Variants in EYS observed in about 807,000 individuals in gnomAD.
EYS encodes EGF-like photoreceptor maintenance factor, also known as protein eyes shut homolog.
A neutral mutation model predicts 282.1 loss-of-function variants in EYS; 250 were observed. That is an observed-to-expected ratio of 0.89 (90% CI 0.80 to 0.98). EYS has a LOEUF of 0.98. Among genes scored for constraint, EYS ranks in the 50% least tolerant of loss-of-function variants. EYS has a pLI of 0.00. For missense variants in EYS, 4,016 were observed against 3,709.0 expected (o/e 1.08, Z -2.15); for synonymous variants, 1,355 against 1,282.9 (o/e 1.06, Z -1.20).
chr6:64,641,493 T>G (rs576714659), intron 22 of EYS, among the ~76,000 whole-genome samples: 7 of 152,208 alleles, frequency 4.6e-5, no homozygotes, highest in Non-Finnish European at 1.0e-4. Flanking sequence ...ACCAAATCAA[T>G]GAATGGGTTC....
chr6:65,693,281 G>A (rs528482958), intron 1 of EYS, among the ~76,000 whole-genome samples: 1 of 147,516 alleles, frequency 6.8e-6, no homozygotes, highest in African/African-American at 2.5e-5. Flanking sequence ...ATTCTACAAT[G>A]AATTTATGCT....
At chr6:64,198,062 G>A (rs965738173) in intron 31 of EYS, among the ~76,000 whole-genome samples, 3 of 151,526 alleles carry the variant, frequency 2.0e-5, no homozygotes, top group Non-Finnish European at 2.9e-5. Context: ...GCGTGATCTC[G>A]GCTCACTGCA....
At chr6:65,652,853 A>G (rs1307211970) in intron 1 of EYS, among the ~76,000 whole-genome samples, 1 of 152,046 alleles carries the variant, frequency 6.6e-6, no homozygotes, top group Non-Finnish European at 1.5e-5. Context: ...TACATTTTGA[A>G]TCAGTGATAA....
intron 1 of EYS, among the ~76,000 whole-genome samples, chr6:65,640,169 T>C (rs148598343): frequency 3.3e-5 from 5 of 152,290 alleles, no homozygotes; most frequent in African/African-American, 1.2e-4. Context: ...GCTCAAATAA[T>C]ACAATAGTAC....
intron 12 of EYS, among the ~76,000 whole-genome samples, chr6:65,101,750 A>G (rs1774898406): frequency 6.6e-6 from 1 of 151,144 alleles, no homozygotes; most frequent in African/African-American, 2.4e-5. Context: ...AGATTGGGTA[A>G]TGACCTTATT....
At chr6:65,446,405 T>C (rs1437560848) in intron 5 of EYS, among the ~76,000 whole-genome samples, 1 of 151,878 alleles carries the variant, frequency 6.6e-6, no homozygotes, top group Non-Finnish European at 1.5e-5. Flanking sequence ...AAAGTATTTT[T>C]AAGCCTGAAA....
At chr6:63,745,057 G>A (rs1287039113) in intron 41 of EYS, 1 of 418,212 alleles carries the variant, frequency 2.4e-6, no homozygotes, top group Non-Finnish European at 4.6e-6. Flanking sequence ...GCCAAAAAAG[G>A]TGAAAAAAGA....
At position 64,082,334 on chromosome 6, in the gene EYS, C is replaced by T. The variant is rs143038951; in HGVS notation, c.6425-332G>A. Among the ~76,000 whole-genome samples the T allele has an allele frequency of 1.4e-4, 22 of 151,926 alleles. No individual in the cohort carries two copies. The East Asian group carries it at 2.7e-3, about 19-fold the overall frequency. ...ATCAGTGTTTCACCAGATTCTTTTG[C>T]GATATTTTGTGATGTGAAGGTTGTA... On this transcript the variant is annotated intron_variant, in intron 31 of 42. Transcript: ENST00000503581.
intron 2 of EYS, among the ~76,000 whole-genome samples, chr6:65,604,175 T>C (rs115190671): frequency 0.013 from 2,025 of 152,086 alleles, 32 homozygotes; most frequent in African/African-American, 0.045. Flanking sequence ...TTAATACTCA[T>C]GAACAATGTG....
At chr6:65,659,315 G>A (rs1019903198) in intron 1 of EYS, among the ~76,000 whole-genome samples, 9 of 151,548 alleles carry the variant, frequency 5.9e-5, no homozygotes, top group African/African-American at 1.9e-4. Context: ...GTACTATCTG[G>A]CAATACAAGT....
At chr6:65,525,237 A>G (rs1404935295) in intron 2 of EYS, among the ~76,000 whole-genome samples, 1 of 152,182 alleles carries the variant, frequency 6.6e-6, no homozygotes, top group Non-Finnish European at 1.5e-5. Context: ...CTGGGGAATC[A>G]TGACTGGTAT....
chr6:64,369,827 C>T (rs970909217), intron 29 of EYS, among the ~76,000 whole-genome samples: 1 of 151,816 alleles, frequency 6.6e-6, no homozygotes. Context: ...TTGGATTTCA[C>T]CTTGGATATT....
At chr6:65,047,145 A>G (rs753573548) in intron 13 of EYS, among the ~76,000 whole-genome samples, 1 of 151,206 alleles carries the variant, frequency 6.6e-6, no homozygotes, top group Non-Finnish European at 1.5e-5. Flanking sequence ...TCTTTATAGC[A>G]TTTTGAGAAT....
At chr6:65,631,982 T>C (rs997310163) in intron 2 of EYS, among the ~76,000 whole-genome samples, 14 of 152,162 alleles carry the variant, frequency 9.2e-5, no homozygotes, top group Non-Finnish European at 2.9e-5. Flanking sequence ...CTTCTCCTAC[T>C]TTATATATGA....
intron 31 of EYS, among the ~76,000 whole-genome samples, chr6:64,209,213 T>C (rs920276365): frequency 2.0e-5 from 3 of 152,156 alleles, no homozygotes; most frequent in Non-Finnish European, 4.4e-5. Context: ...AAGTGATAGA[T>C]ACAGTAGCTT....
intron 31 of EYS, among the ~76,000 whole-genome samples, chr6:64,175,269 T>C (rs989589280): frequency 2.0e-5 from 3 of 152,170 alleles, no homozygotes; most frequent in Non-Finnish European, 4.4e-5. Flanking sequence ...TAAATAGTTA[T>C]TTAATATCTC....
At chr6:65,241,361 G>A (rs1362585051) in intron 12 of EYS, among the ~76,000 whole-genome samples, 1 of 151,938 alleles carries the variant, frequency 6.6e-6, no homozygotes, top group African/African-American at 2.4e-5. Context: ...TTTCCATTGT[G>A]CCCCTGTGTT....
chr6:65,280,353 T>C (rs888094990), intron 12 of EYS, among the ~76,000 whole-genome samples: 1 of 152,160 alleles, frequency 6.6e-6, no homozygotes, highest in African/African-American at 2.4e-5. Context: ...AACAAATGTC[T>C]GTATCAGACA....
chr6:64,214,037 A>T (rs974089590), intron 31 of EYS, among the ~76,000 whole-genome samples: 2 of 152,110 alleles, frequency 1.3e-5, no homozygotes, highest in Non-Finnish European at 2.9e-5. Flanking sequence ...CCTTTTTATC[A>T]CCTCTACAAA....
Sources: allele counts gnomAD v4.1 joint callset (sites outside exome capture counted in the v4.1 genomes callset), GRCh38; gene constraint gnomAD v4.1.1; transcripts MANE v1.5; gene names NCBI Gene and HGNC (gene_info 2026-07-23, HGNC 2026-07-21).